Variants in ADAMTSL1 observed in about 807,000 individuals in gnomAD.
The protein encoded by ADAMTSL1 is ADAMTS like 1.
A neutral mutation model predicts 201.8 loss-of-function variants in ADAMTSL1; 126 were observed. That is an observed-to-expected ratio of 0.62 (90% CI 0.54 to 0.72). ADAMTSL1 has a LOEUF of 0.72. ADAMTSL1 is among the 30% of genes least tolerant of loss of function. The pLI, the probability that ADAMTSL1 is intolerant of heterozygous loss-of-function variation, is 0.00. For missense variants in ADAMTSL1, 2,679 were observed against 2,277.8 expected (o/e 1.18, Z -3.59); for synonymous variants, 1,121 against 903.4 (o/e 1.24, Z -4.32).
chr9:18,421,785 A>G (rs1015661527), intron 2 of ADAMTSL1, among the ~76,000 whole-genome samples: 2 of 152,216 alleles, frequency 1.3e-5, no homozygotes, highest in Admixed American at 1.3e-4. Flanking sequence ...GAAATAAAAT[A>G]GGTGTCCAAT....
intron 1 of ADAMTSL1, among the ~76,000 whole-genome samples, chr9:18,084,458 G>T (rs1379265165): frequency 2.0e-5 from 3 of 151,690 alleles, no homozygotes; most frequent in South Asian, 2.1e-4. Context: ...GGAGGCGGAG[G>T]TTGCAGTGAG....
At chr9:18,232,001 C>T (rs547803836) in intron 2 of ADAMTSL1, among the ~76,000 whole-genome samples, 1 of 152,296 alleles carries the variant, frequency 6.6e-6, no homozygotes, top group East Asian at 1.9e-4. Context: ...TCTCAGTAAG[C>T]AGCCAGAGTG....
chr9:18,277,926 T>C (rs1832646439), intron 2 of ADAMTSL1, among the ~76,000 whole-genome samples: 1 of 152,088 alleles, frequency 6.6e-6, no homozygotes, highest in African/African-American at 2.4e-5. Flanking sequence ...GTGGAATGGT[T>C]TAATTTCTTT....
intron 1 of ADAMTSL1, among the ~76,000 whole-genome samples, chr9:17,940,728 G>GAAAAAAAAAAAAAAAAGA (rs201856497): frequency 1.3e-5 from 1 of 79,456 alleles, no homozygotes; most frequent in Non-Finnish European, 2.4e-5. Flanking sequence ...AAAAAAAAAA[G>GAAAAAAAAAAAAAAAAGA]AAAAAAAAGA....
intron 1 of ADAMTSL1, among the ~76,000 whole-genome samples, chr9:17,921,666 A>G (rs1826306365): frequency 6.6e-6 from 1 of 152,126 alleles, no homozygotes; most frequent in Non-Finnish European, 1.5e-5. Flanking sequence ...TGTAAATAAG[A>G]CACTGGTCAG....
Position 18,684,604 on chromosome 9 carries a change from T to C in ADAMTSL1, c.1490-112T>C, listed in dbSNP as rs1830710205. 4.9e-6 allele frequency: 6 copies of C among 1,213,480 alleles called. No homozygotes were observed. In the East Asian group the frequency reaches 1.1e-4, roughly 22 times the overall value. The allele number at this position is 1,213,480 out of a possible 1,614,324, so 75.2% of individuals were successfully genotyped here. A position where few individuals can be genotyped will look rare whatever the true frequency, so the allele number is the denominator to read the frequency against. On this transcript the variant is annotated intron_variant, in intron 12 of 28. Transcript: ENST00000380548. ...AGAGGCAGCAATTTACCCAAAAACTTATTCGTGTTGGTCAACGTAGTAACT... is the reference window on the plus strand; with the variant it reads ...AGAGGCAGCAATTTACCCAAAAACTCATTCGTGTTGGTCAACGTAGTAACT...
intron 2 of ADAMTSL1, among the ~76,000 whole-genome samples, chr9:18,458,471 A>G (rs954638143): frequency 7.2e-5 from 11 of 152,212 alleles, no homozygotes; most frequent in African/African-American, 2.7e-4. Context: ...ACCATTCCAC[A>G]AAACAGCTAA....
chr9:17,946,229 G>T (rs1186227175), intron 1 of ADAMTSL1, among the ~76,000 whole-genome samples: 1 of 151,524 alleles, frequency 6.6e-6, no homozygotes. Context: ...AAACTCCCGG[G>T]CTCAAGTGTT....
intron 1 of ADAMTSL1, among the ~76,000 whole-genome samples, chr9:17,971,485 A>C (rs2131427803): frequency 6.6e-6 from 1 of 152,162 alleles, no homozygotes; most frequent in South Asian, 2.1e-4. Flanking sequence ...GAAGTCTTAC[A>C]ATTGGTACAC....
intron 13 of ADAMTSL1, among the ~76,000 whole-genome samples, chr9:18,695,190 C>T (rs375513660): frequency 6.6e-6 from 1 of 152,216 alleles, no homozygotes; most frequent in African/African-American, 2.4e-5. Context: ...GGAGGGACTG[C>T]CACAGCTCTG....
intron 1 of ADAMTSL1, among the ~76,000 whole-genome samples, chr9:17,950,655 A>G (rs1206264090): frequency 6.6e-6 from 1 of 152,064 alleles, no homozygotes; most frequent in Non-Finnish European, 1.5e-5. Flanking sequence ...TGGTTGTATA[A>G]TATTTCCATC....
intron 20 of ADAMTSL1, among the ~76,000 whole-genome samples, chr9:18,814,155 T>G (rs1823687801): frequency 6.6e-6 from 1 of 152,230 alleles, no homozygotes; most frequent in Admixed American, 6.5e-5. Flanking sequence ...GCATATAGTT[T>G]TTGTCCTTCA....
intron 1 of ADAMTSL1, among the ~76,000 whole-genome samples, chr9:18,079,146 T>G (rs929350939): frequency 9.2e-5 from 14 of 152,212 alleles, no homozygotes; most frequent in Non-Finnish European, 2.1e-4. Context: ...TGGTGGGTAC[T>G]AGGCTCATTG....
intron 1 of ADAMTSL1, among the ~76,000 whole-genome samples, chr9:18,110,679 ACT>A (rs1221947792): frequency 6.6e-6 from 1 of 151,868 alleles, no homozygotes; most frequent in East Asian, 1.9e-4. Flanking sequence ...AGGCATGGAG[ACT>A]CTCTAAGCTA....
chr9:18,875,993 G>A (rs953997474), intron 23 of ADAMTSL1, among the ~76,000 whole-genome samples: 5 of 152,022 alleles, frequency 3.3e-5, no homozygotes, highest in African/African-American at 1.2e-4. Context: ...CATTATATAT[G>A]TCTCTCTTTG....
In ADAMTSL1 at chr9:18,809,588, G is replaced by C. The variant is rs1588146172; in HGVS notation, c.3806-7521G>C. Among the ~76,000 whole-genome samples the C allele has an allele frequency of 2.6e-5, 4 of 152,108 alleles. No homozygotes were observed. In the South Asian group the frequency reaches 8.3e-4, roughly 32 times the overall value. ...GTGGATCACCTGAGGTCAGGAGTTC[G>C]AGACCAGCCTGACCAATATGGTGAA... On this transcript the variant is annotated intron_variant, in intron 20 of 28. Transcript: ENST00000380548.
At chr9:18,020,294 T>G (rs1315027070) in intron 1 of ADAMTSL1, among the ~76,000 whole-genome samples, 1 of 152,074 alleles carries the variant, frequency 6.6e-6, no homozygotes, top group Non-Finnish European at 1.5e-5. Flanking sequence ...CGATTCAATT[T>G]TAACAAATAT....
chr9:18,102,410 T>G (rs939497315), intron 1 of ADAMTSL1, among the ~76,000 whole-genome samples: 1 of 152,230 alleles, frequency 6.6e-6, no homozygotes, highest in Non-Finnish European at 1.5e-5. Flanking sequence ...TATGTCAAGG[T>G]CTTATCTTAT....
intron 21 of ADAMTSL1, among the ~76,000 whole-genome samples, chr9:18,823,386 A>G (rs1824330405): frequency 6.6e-6 from 1 of 152,064 alleles, no homozygotes; most frequent in Non-Finnish European, 1.5e-5. Context: ...TTTGGTTTAT[A>G]TCCAGTCCTG....
Sources: allele counts gnomAD v4.1 joint callset (sites outside exome capture counted in the v4.1 genomes callset), GRCh38; gene constraint gnomAD v4.1.1; transcripts MANE v1.5; gene names NCBI Gene and HGNC (gene_info 2026-07-23, HGNC 2026-07-21).